Variants in KSR2 observed in about 807,000 individuals in gnomAD.
KSR2 encodes kinase suppressor of ras 2.
A neutral mutation model predicts 107.8 loss-of-function variants in KSR2; 25 were observed. That is an observed-to-expected ratio of 0.23 (90% CI 0.17 to 0.32). KSR2 has a LOEUF of 0.32. Among genes scored for constraint, KSR2 ranks in the 10% least tolerant of loss-of-function variants. The pLI is 1.00. For missense variants in KSR2, 887 were observed against 1,268.9 expected (o/e 0.70, Z 4.57); for synonymous variants, 480 against 507.0 (o/e 0.95, Z 0.71).
At chr12:117,872,734 T>C (rs1207343186) in intron 1 of KSR2, among the ~76,000 whole-genome samples, 1 of 152,116 alleles carries the variant, frequency 6.6e-6, no homozygotes, top group East Asian at 1.9e-4. Flanking sequence ...ATAATGAAAG[T>C]AGTTTCTCAG....
chr12:117,718,800 G>A (rs953054059), intron 4 of KSR2, among the ~76,000 whole-genome samples: 10 of 152,144 alleles, frequency 6.6e-5, no homozygotes, highest in African/African-American at 2.2e-4. Context: ...GCCAACACCA[G>A]CTCTGGCAAG....
At chr12:117,533,582 A>T (rs948769172) in intron 10 of KSR2, among the ~76,000 whole-genome samples, 4 of 152,242 alleles carry the variant, frequency 2.6e-5, no homozygotes, top group African/African-American at 9.6e-5. Context: ...CTGTTTTACT[A>T]TTAGATAACA....
In KSR2 at chr12:117,471,268, C is replaced by G. The variant is rs1164305231; in HGVS notation, c.2635G>C (p.Ala879Pro). 6.2e-6 allele frequency: 10 copies of G among 1,613,796 alleles called. No individual in the cohort carries two copies. Among genetic ancestry groups the G allele is most frequent in the Non-Finnish European group, 8.5e-6 (10 of 1,179,864 alleles). Residue 879 changes from alanine (A) to proline (P), a missense_variant, in exon 18 of 20, where the codon GCA becomes CCA. Around this residue, in one of 8 missense-constraint regions of KSR2, gnomAD observed 308 missense variants for 506.2 expected, o/e 0.61. Transcript: ENST00000339824. ...AREWPFKTQPAEAIIWQMGTG... is the reference protein window; with the variant it reads ...AREWPFKTQPPEAIIWQMGTG... ...CCCATTTGCCAGATTATTGCCTCTG[C>G]TGGTTGGGTCTTGAAAGGCCATTCC...
intron 4 of KSR2, among the ~76,000 whole-genome samples, chr12:117,693,176 C>A (rs1026054898): frequency 3.9e-5 from 6 of 152,132 alleles, no homozygotes; most frequent in Non-Finnish European, 8.8e-5. Flanking sequence ...ACCAACCCAC[C>A]ACCCCATCCT....
At chr12:117,471,687 C>T (rs1241402882) in intron 17 of KSR2, among the ~76,000 whole-genome samples, 1 of 151,788 alleles carries the variant, frequency 6.6e-6, no homozygotes, top group African/African-American at 2.4e-5. Context: ...GTAAAAATAA[C>T]ACAATTGTCC....
intron 4 of KSR2, among the ~76,000 whole-genome samples, chr12:117,735,162 C>T (rs1160980880): frequency 2.0e-5 from 3 of 152,144 alleles, no homozygotes; most frequent in Non-Finnish European, 2.9e-5. Context: ...ACAGTGGAGA[C>T]GTTGGCCCTG....
chr12:117,788,528 G>T (rs1160907420), intron 3 of KSR2, among the ~76,000 whole-genome samples: 1 of 152,130 alleles, frequency 6.6e-6, no homozygotes, highest in African/African-American at 2.4e-5. Flanking sequence ...TTGAGACAGA[G>T]TCTCACTCCA....
chr12:117,944,634 C>T (rs1404706833), intron 1 of KSR2, among the ~76,000 whole-genome samples: 2 of 151,718 alleles, frequency 1.3e-5, no homozygotes, highest in African/African-American at 4.8e-5. Context: ...GACAGGCAGA[C>T]CTTTTGAGCC....
chr12:117,747,574 C>T (rs1412255728), intron 4 of KSR2, among the ~76,000 whole-genome samples: 3 of 151,492 alleles, frequency 2.0e-5, no homozygotes, highest in African/African-American at 4.9e-5. Context: ...ACATTCTGCA[C>T]ATGTATCCCG....
intron 5 of KSR2, among the ~76,000 whole-genome samples, chr12:117,621,720 G>A (rs1882208125): frequency 6.6e-6 from 1 of 152,082 alleles, no homozygotes; most frequent in Non-Finnish European, 1.5e-5. Context: ...AATATCATTG[G>A]AAGAAACTAA....
intron 5 of KSR2, among the ~76,000 whole-genome samples, chr12:117,587,952 T>G (rs1237615160): frequency 3.3e-5 from 5 of 152,106 alleles, no homozygotes; most frequent in Admixed American, 2.6e-4. Flanking sequence ...CCTGCATCAA[T>G]GCTCCATCAC....
At chr12:117,723,492 T>A (rs1887293844) in intron 4 of KSR2, among the ~76,000 whole-genome samples, 2 of 152,164 alleles carry the variant, frequency 1.3e-5, no homozygotes, top group South Asian at 4.1e-4. Context: ...GAATCATCCA[T>A]GATCTCACAG....
At chr12:117,548,423 T>C (rs1877042977) in intron 9 of KSR2, among the ~76,000 whole-genome samples, 1 of 152,228 alleles carries the variant, frequency 6.6e-6, no homozygotes, top group Non-Finnish European at 1.5e-5. Context: ...AGTAAATATA[T>C]ATTTTCTTCC....
chr12:117,493,592 A>G (rs925865616), intron 14 of KSR2, among the ~76,000 whole-genome samples: 4 of 152,100 alleles, frequency 2.6e-5, no homozygotes, highest in African/African-American at 4.8e-5. Context: ...TGTGGACTCC[A>G]CCTTTGCAAC....
chr12:117,893,711 T>C (rs1455031513), intron 1 of KSR2, among the ~76,000 whole-genome samples: 1 of 152,154 alleles, frequency 6.6e-6, no homozygotes, highest in Non-Finnish European at 1.5e-5. Flanking sequence ...CAAAAACAAG[T>C]AGGTGCTTGC....
intron 4 of KSR2, among the ~76,000 whole-genome samples, chr12:117,717,706 T>TGCGC (rs1298897680): frequency 1.1e-5 from 1 of 89,888 alleles, no homozygotes; most frequent in African/African-American, 4.0e-5. Flanking sequence ...TGTGTGTGTG[T>TGCGC]GTGTGTGCAT....
At chr12:117,873,780 GACA>G (rs1320165718) in intron 1 of KSR2, among the ~76,000 whole-genome samples, 1 of 152,130 alleles carries the variant, frequency 6.6e-6, no homozygotes, top group East Asian at 1.9e-4. Flanking sequence ...TCAAAATACA[GACA>G]ACAAGGGATA....
At chr12:117,481,935 G>A (rs186693923) in intron 16 of KSR2, among the ~76,000 whole-genome samples, 1 of 152,104 alleles carries the variant, frequency 6.6e-6, no homozygotes, top group African/African-American at 2.4e-5. Context: ...GGAGTAAATG[G>A]ACCTGAACCC....
intron 14 of KSR2, among the ~76,000 whole-genome samples, chr12:117,515,137 G>A (rs947161348): frequency 6.6e-6 from 1 of 152,176 alleles, no homozygotes; most frequent in African/African-American, 2.4e-5. Context: ...CAGACATCAT[G>A]CCTTCCTCTC....
Sources: gnomAD v4.1 joint callset for allele counts (sites outside exome capture counted in the v4.1 genomes callset) on GRCh38, gnomAD v4.1.1 for gene constraint, gnomAD v4.1.1 regional missense constraint, MANE v1.5 for transcripts, NCBI Gene and HGNC (gene_info 2026-07-23, HGNC 2026-07-21) for gene names.